MSRA: variants seen among roughly 807,000 people sequenced by gnomAD.
The protein encoded by MSRA is mitochondrial peptide methionine sulfoxide reductase.
Under a neutral mutation model 31.3 loss-of-function variants are expected in MSRA, and 54 were observed. That is an observed-to-expected ratio of 1.73 (90% CI 1.39 to 2.17). The LOEUF (loss-of-function observed/expected upper bound fraction) is 2.17. Among genes scored for constraint, MSRA ranks in the 30% most tolerant of loss-of-function variants. MSRA has a pLI of 0.00. For missense variants in MSRA, 507 were observed against 300.9 expected (o/e 1.69, Z -5.07); for synonymous variants, 169 against 116.5 (o/e 1.45, Z -2.90).
intron 5 of MSRA, among the ~76,000 whole-genome samples, chr8:10,329,326 G>A (rs533163994): frequency 9.2e-5 from 14 of 152,268 alleles, no homozygotes; most frequent in African/African-American, 3.4e-4. Context: ...ATCCCTCCCC[G>A]GATCTTCCAG....
chr8:10,148,267 C>A (rs1299173296), intron 1 of MSRA, among the ~76,000 whole-genome samples: 1 of 151,820 alleles, frequency 6.6e-6, no homozygotes, highest in Non-Finnish European at 1.5e-5. Context: ...ATATAATGCA[C>A]CCTGCTTTAA....
rs568409590 is a variant in MSRA, at chr8:10,348,519, G to A, written c.543+28530G>A. On this transcript the variant is annotated intron_variant, in intron 5 of 5. Coordinates refer to ENST00000317173, the MANE Select transcript of MSRA (RefSeq NM_012331.5). The stretch of plus-strand genomic sequence containing the variant: ...CAAGTAGCCGGGACTACAAGCGTGC[G>A]CCACCATGCCCGGCTAATTTTTGTA... 3.3e-4 allele frequency among the ~76,000 whole-genome samples: 50 copies of A among 151,844 alleles called. No homozygotes were observed. In the East Asian group the frequency reaches 3.9e-3, roughly 12 times the overall value.
chr8:10,360,327 AAAAAC>A (rs1804772820), intron 5 of MSRA, among the ~76,000 whole-genome samples: 1 of 152,212 alleles, frequency 6.6e-6, no homozygotes, highest in Non-Finnish European at 1.5e-5. Flanking sequence ...AAAAAGAACA[AAAAAC>A]AAACAAAAAA....
At chr8:10,276,613 T>C (rs1388280585) in intron 3 of MSRA, among the ~76,000 whole-genome samples, 1 of 152,238 alleles carries the variant, frequency 6.6e-6, no homozygotes. Context: ...TCTCGTCCTT[T>C]ATTAATAACA....
chr8:10,160,298 A>G (rs1804520710), intron 1 of MSRA, among the ~76,000 whole-genome samples: 1 of 152,062 alleles, frequency 6.6e-6, no homozygotes, highest in Non-Finnish European at 1.5e-5. Flanking sequence ...ATCAAAGACC[A>G]TCCTGGCTAA....
chr8:10,095,994 C>A, intron 1 of MSRA: 1 of 1,438,222 alleles, frequency 7.0e-7, no homozygotes, highest in South Asian at 1.6e-5. Context: ...TCAATACAAA[C>A]CTGCTTTCAA....
intron 1 of MSRA, among the ~76,000 whole-genome samples, chr8:10,074,216 G>A (rs1797883704): frequency 6.6e-6 from 1 of 151,362 alleles, no homozygotes; most frequent in South Asian, 2.1e-4. Context: ...CCGAGTACCT[G>A]GGACTACATG....
chr8:10,303,076 G>T (rs1800934703), intron 4 of MSRA, among the ~76,000 whole-genome samples: 2 of 152,222 alleles, frequency 1.3e-5, no homozygotes, highest in African/African-American at 2.4e-5. Flanking sequence ...CCATTTGACT[G>T]TCAAAGTCAA....
At chr8:10,333,968 G>A (rs993499138) in intron 5 of MSRA, among the ~76,000 whole-genome samples, 5 of 152,146 alleles carry the variant, frequency 3.3e-5, no homozygotes, top group African/African-American at 7.2e-5. Context: ...CACATTCAGA[G>A]AATTTCACCT....
intron 1 of MSRA, among the ~76,000 whole-genome samples, chr8:10,193,743 A>T (rs781117928): frequency 1.3e-5 from 2 of 152,186 alleles, no homozygotes; most frequent in Non-Finnish European, 2.9e-5. Flanking sequence ...CTTAATATGA[A>T]TATGCGCTGG....
intron 1 of MSRA, among the ~76,000 whole-genome samples, chr8:10,088,977 A>T (rs1798722596): frequency 1.3e-5 from 2 of 152,212 alleles, no homozygotes; most frequent in Non-Finnish European, 2.9e-5. Flanking sequence ...AGTGGTTTCC[A>T]TGGGTTGCGG....
chr8:10,345,646 A>G (rs1377203750), intron 5 of MSRA, among the ~76,000 whole-genome samples: 2 of 152,372 alleles, frequency 1.3e-5, no homozygotes, highest in South Asian at 2.1e-4. Context: ...CCAAAAACTT[A>G]TGAGATGCTA....
At chr8:10,374,476 C>T (rs866998838) in intron 5 of MSRA, among the ~76,000 whole-genome samples, 1 of 152,144 alleles carries the variant, frequency 6.6e-6, no homozygotes, top group African/African-American at 2.4e-5. Context: ...TGAGGAAGGT[C>T]TTATGAGTCC....
At chr8:10,082,332 C>T in intron 1 of MSRA, among the ~76,000 whole-genome samples, 1 of 152,168 alleles carries the variant, frequency 6.6e-6, no homozygotes. Flanking sequence ...GGCCACACTG[C>T]ACACATCACG....
Position 10,137,712 on chromosome 8 carries a change from G to A in MSRA, c.143-70121G>A, listed in dbSNP as rs571830765. 3.9e-5 allele frequency among the ~76,000 whole-genome samples: 6 copies of A among 152,262 alleles called. No individual in the cohort carries two copies. The East Asian group carries it at 1.2e-3, about 29-fold the overall frequency. The stretch of plus-strand genomic sequence containing the variant: ...TGTGCACAAAGTGGGCAGTGGGAGT[G>A]GTGACTGGGGAGGTATAAGGAGCTT... On this transcript the variant is annotated intron_variant, in intron 1 of 5. Transcript: ENST00000317173.
intron 1 of MSRA, among the ~76,000 whole-genome samples, chr8:10,118,164 C>A (rs1325775086): frequency 6.6e-6 from 1 of 152,154 alleles, no homozygotes; most frequent in African/African-American, 2.4e-5. Context: ...ATTCCTCTTT[C>A]TCATGTTGGA....
chr8:10,065,252 A>G (rs1290273988), intron 1 of MSRA, among the ~76,000 whole-genome samples: 1 of 152,164 alleles, frequency 6.6e-6, no homozygotes, highest in Non-Finnish European at 1.5e-5. Flanking sequence ...GCACTCAGGC[A>G]GTCTGTCCCT....
intron 1 of MSRA, among the ~76,000 whole-genome samples, chr8:10,099,699 T>C (rs937035641): frequency 2.6e-5 from 4 of 152,180 alleles, no homozygotes; most frequent in Non-Finnish European, 5.9e-5. Context: ...TTGCTGGCTA[T>C]GGGTTTAGAG....
intron 1 of MSRA, among the ~76,000 whole-genome samples, chr8:10,122,691 T>C (rs751443811): frequency 5.3e-5 from 8 of 152,230 alleles, no homozygotes; most frequent in Non-Finnish European, 1.0e-4. Flanking sequence ...CCTCCTGCCC[T>C]CTACACTCAA....
Sources: allele counts gnomAD v4.1 joint callset (sites outside exome capture counted in the v4.1 genomes callset), GRCh38; gene constraint gnomAD v4.1.1; transcripts MANE v1.5; gene names NCBI Gene and HGNC (gene_info 2026-07-23, HGNC 2026-07-21).